Variants in MBNL1 observed in about 807,000 individuals in gnomAD.
MBNL1 encodes the protein muscleblind like splicing regulator 1, also known as muscleblind-like protein 1.
MBNL1 carries 8 observed loss-of-function variants against 42.2 expected under a neutral mutation model. That is an observed-to-expected ratio of 0.19 (90% confidence interval 0.11 to 0.34). MBNL1 has a LOEUF of 0.34. Ranked by LOEUF, MBNL1 falls within the 10% of genes least tolerant of loss-of-function variation. The pLI, the probability that MBNL1 is intolerant of heterozygous loss-of-function variation, is 1.00. For missense variants in MBNL1, 309 were observed against 495.3 expected (o/e 0.62, Z 3.57); for synonymous variants, 169 against 173.9 (o/e 0.97, Z 0.22).
intron 2 of MBNL1, among the ~76,000 whole-genome samples, chr3:152,399,923 T>G (rs1298851186): frequency 6.6e-6 from 1 of 152,240 alleles, no homozygotes; most frequent in East Asian, 1.9e-4. Flanking sequence ...GACAAAGTTT[T>G]CCTTCAGTCC....
intron 1 of MBNL1, among the ~76,000 whole-genome samples, chr3:152,289,665 A>G (rs1311613717): frequency 6.6e-6 from 1 of 152,164 alleles, no homozygotes; most frequent in Non-Finnish European, 1.5e-5. Context: ...TTCAGTTAAC[A>G]TTGGTATATT....
At chr3:152,277,585 C>T (rs1054804924) in intron 1 of MBNL1, among the ~76,000 whole-genome samples, 1 of 135,544 alleles carries the variant, frequency 7.4e-6, no homozygotes, top group African/African-American at 2.8e-5. Flanking sequence ...AATCAATAAA[C>T]AGTTGCTTTT....
In MBNL1 at chr3:152,447,552, G is replaced by A. The variant is rs1259360481; in HGVS notation, c.808-68G>A. On this transcript the variant is annotated intron_variant, in intron 5 of 9. Coordinates refer to ENST00000324210, the MANE Select transcript of MBNL1 (RefSeq NM_021038.5). ...ATGCTTCCTAACAATTTTAGCCTTCGACTGATTTTTCTTTTTTCTTTTTCT... is the reference window on the plus strand; with the variant it reads ...ATGCTTCCTAACAATTTTAGCCTTCAACTGATTTTTCTTTTTTCTTTTTCT... 9.4e-6 allele frequency: 12 copies of A among 1,282,730 alleles called. No individual in the cohort carries two copies. The South Asian group carries it at 1.0e-4, about 11-fold the overall frequency. 79.5% of individuals were successfully genotyped at this position (1,282,730 alleles called of 1,614,324 possible).
At chr3:152,284,109 T>C (rs185398686) in intron 1 of MBNL1, among the ~76,000 whole-genome samples, 59 of 152,296 alleles carry the variant, frequency 3.9e-4, no homozygotes, top group Admixed American at 1.4e-3. Flanking sequence ...ACAGTTAATA[T>C]AATCAATACA....
chr3:152,407,449 T>C (rs1171750520), intron 2 of MBNL1, among the ~76,000 whole-genome samples: 1 of 152,106 alleles, frequency 6.6e-6, no homozygotes, highest in African/African-American at 2.4e-5. Flanking sequence ...TTTTTTCACC[T>C]TCTGTGGGGA....
chr3:152,295,865 G>A (rs2058342156), intron 1 of MBNL1, among the ~76,000 whole-genome samples: 1 of 152,202 alleles, frequency 6.6e-6, no homozygotes, highest in Non-Finnish European at 1.5e-5. Context: ...CTCCTCTCCA[G>A]GGGAGATACA....
chr3:152,360,516 CT>C (rs2095855612), intron 2 of MBNL1, among the ~76,000 whole-genome samples: 1 of 152,024 alleles, frequency 6.6e-6, no homozygotes, highest in African/African-American at 2.4e-5. Flanking sequence ...TCCTTTAAGA[CT>C]CATCTCAGGA....
chr3:152,423,566 C>T (rs1015649415), intron 3 of MBNL1, among the ~76,000 whole-genome samples: 4 of 152,146 alleles, frequency 2.6e-5, no homozygotes, highest in African/African-American at 9.7e-5. Flanking sequence ...AGAGGGACTC[C>T]TCCATCACTC....
At chr3:152,418,630 AAGAG>A (rs770781244) in intron 3 of MBNL1, among the ~76,000 whole-genome samples, 143 of 145,490 alleles carry the variant, frequency 9.8e-4, no homozygotes, top group Middle Eastern at 3.8e-3. Context: ...AAAAAAAAAA[AAGAG>A]AGAGAGAGAG....
intron 2 of MBNL1, among the ~76,000 whole-genome samples, chr3:152,414,457 A>G (rs1044778170): frequency 2.0e-5 from 3 of 152,142 alleles, no homozygotes; most frequent in African/African-American, 7.2e-5. Context: ...TTTATTTGTT[A>G]TTAGATACTT....
chr3:152,453,396 A>G (rs1344373038), intron 6 of MBNL1, among the ~76,000 whole-genome samples: 1 of 152,218 alleles, frequency 6.6e-6, no homozygotes, highest in African/African-American at 2.4e-5. Flanking sequence ...TCATGCAATT[A>G]AAATAACACA....
At chr3:152,274,229 C>CAT (rs34409921) in intron 1 of MBNL1, among the ~76,000 whole-genome samples, 83,436 of 151,764 alleles carry the variant, frequency 0.55, 23,251 homozygotes, top group Middle Eastern at 0.63. Context: ...TTTATGGGGA[C>CAT]ATTTAGTTCT....
chr3:152,302,331 T>C (rs761422538), intron 2 of MBNL1: 1 of 152,020 alleles, frequency 6.6e-6, no homozygotes, highest in Non-Finnish European at 1.5e-5. Context: ...CTTGGTAAAA[T>C]ATTTTAAATT....
intron 2 of MBNL1, among the ~76,000 whole-genome samples, chr3:152,353,581 A>G (rs530438369): frequency 6.6e-6 from 1 of 152,080 alleles, no homozygotes; most frequent in Non-Finnish European, 1.5e-5. Flanking sequence ...GGTAAATTCA[A>G]GTATAAAACA....
chr3:152,451,799 G>A (rs1052375368), intron 6 of MBNL1, among the ~76,000 whole-genome samples: 1 of 152,180 alleles, frequency 6.6e-6, no homozygotes, highest in Admixed American at 6.5e-5. Flanking sequence ...GCTGCACTGA[G>A]TGCTTTGCCT....
At chr3:152,340,651 CAGAGTGTT>C (rs1287270857) in intron 2 of MBNL1, 1 of 1,613,956 alleles carries the variant, frequency 6.2e-7, no homozygotes, top group Non-Finnish European at 8.5e-7. Context: ...GTAAATGTTC[CAGAGTGTT>C]AGAATCTTAT....
At chr3:152,358,031 G>T (rs1249029548) in intron 2 of MBNL1, among the ~76,000 whole-genome samples, 1 of 152,190 alleles carries the variant, frequency 6.6e-6, no homozygotes, top group Non-Finnish European at 1.5e-5. Context: ...GCGTGTATCT[G>T]TGTCTGTGTG....
At chr3:152,443,437 T>G (rs1452920632) in intron 4 of MBNL1, among the ~76,000 whole-genome samples, 1 of 150,554 alleles carries the variant, frequency 6.6e-6, no homozygotes, top group East Asian at 2.0e-4. Context: ...TAGACTTGCT[T>G]AAACAGAAAA....
chr3:152,447,906 A>G, intron 6 of MBNL1, 133 bp downstream of exon 6: 3 of 660,106 alleles, frequency 4.5e-6, no homozygotes, highest in African/African-American at 1.8e-5. Flanking sequence ...AATGATGGAA[A>G]CTTATCTGAG....
Sources: allele counts gnomAD v4.1 joint callset (sites outside exome capture counted in the v4.1 genomes callset), GRCh38; gene constraint gnomAD v4.1.1; transcripts MANE v1.5; gene names NCBI Gene and HGNC (gene_info 2026-07-23, HGNC 2026-07-21).